DLX5: variants seen among roughly 807,000 people sequenced by gnomAD.
DLX5 encodes the protein distal-less homeobox 5.
Under a neutral mutation model 27.1 loss-of-function variants are expected in DLX5, and 8 were observed. The observed-to-expected ratio is 0.30, with a 90% CI of 0.17 to 0.53. The LOEUF (loss-of-function observed/expected upper bound fraction) is 0.53, where lower values mean the gene tolerates loss of function less well. Among genes scored for constraint, DLX5 ranks in the 20% least tolerant of loss-of-function variants. The pLI, the probability that DLX5 is intolerant of heterozygous loss-of-function variation, is 0.95. For synonymous variants in DLX5, 178 were observed against 161.9 expected (o/e 1.10, Z -0.75); for missense variants, 339 against 375.1 (o/e 0.90, Z 0.80).
Position 97,024,158 on chromosome 7 carries a change from C to T in DLX5, c.355+111G>A. On this transcript the variant is annotated intron_variant, in intron 1 of 2. Coordinates refer to ENST00000648378, the MANE Select transcript of DLX5 (RefSeq NM_005221.6). This position sits in a 1 kb window ranked among gnomAD's most constrained non-coding sequence, Gnocchi z 4.6. ...GTCTGAGTCCTACTCCCTTCTGCCGCGTGCGCCCCCACTGCCGTGAACCGC... is the reference window on the plus strand; with the variant it reads ...GTCTGAGTCCTACTCCCTTCTGCCGTGTGCGCCCCCACTGCCGTGAACCGC... 4 of 984,600 alleles carry T rather than the reference C, an allele frequency of 4.1e-6. No individual in the cohort carries two copies. Among genetic ancestry groups the T allele is most frequent in the Non-Finnish European group, 5.9e-6 (4 of 677,576 alleles). 61.0% of individuals were successfully genotyped at this position (984,600 alleles called of 1,614,324 possible). A position where few individuals can be genotyped will look rare whatever the true frequency, so the allele number is the denominator to read the frequency against.
rs1461577184 is a variant in DLX5 at position 97,020,900 on chromosome 7, G to A, written c.706C>T (p.His236Tyr). The A allele has an allele frequency of 6.2e-7, 1 of 1,614,216 alleles. No individual in the cohort carries two copies. Among genetic ancestry groups the A allele is most frequent in the South Asian group, 1.1e-5 (1 of 91,078 alleles). Residue 236 changes from histidine (H) to tyrosine (Y), a missense_variant, in exon 3 of 3, where the codon CAC becomes TAC. Physicochemically the swap from His to Tyr is moderately conservative, Grantham distance 83. This residue lies in a region of DLX5 where 136 missense variants were observed against 130.3 expected (regional missense o/e 1.04). Transcript: ENST00000648378. ...GAGGTCGGAGGGTGGGCATGAGGGT[G>A]GTGGCTGAGCGAGCGGGACGAGCCC... ...PQGSSRSLSH[H>Y]PHAHPPTSNQ... is the part of the protein sequence containing the mutation.
rs780878673 is a variant in DLX5 at position 97,022,212 on chromosome 7, G to A, written c.513C>T (p.Ala171=). Residue 171 remains alanine, a synonymous_variant, in exon 2 of 3, where the codon GCC becomes GCT. Transcript: ENST00000648378. ...GTGTTTGTGTCAATCCCAGCGAGGC[G>A]GCCAGCTCGGCGCGTTCCGGCAAGG... The part of the protein sequence containing the change: ...YLALPERAEL[A]ASLGLTQTQV... 1.1e-5 allele frequency: 17 copies of A among 1,614,082 alleles called. No individual in the cohort carries two copies. Among genetic ancestry groups the A allele is most frequent in the African/African-American group, 1.3e-5 (1 of 74,940 alleles).
rs1183537489 is a variant in DLX5 at position 97,022,480 on chromosome 7, G to T, written c.356-111C>A. ...TCTTACCACTCAGTCTTCATTCTTT[G>T]CCCATATCACCACCACCTTTGCTTT... On this transcript the variant is annotated intron_variant, in intron 1 of 2. Transcript: ENST00000648378. 1.4e-5 allele frequency: 22 copies of T among 1,531,406 alleles called. No individual in the cohort carries two copies. The East Asian group carries it at 3.2e-4, about 22-fold the overall frequency. The allele number at this position is 1,531,406 out of a possible 1,614,324, so 94.9% of individuals were successfully genotyped here. A position where few individuals can be genotyped will look rare whatever the true frequency, so the allele number is the denominator to read the frequency against.
intron 1 of DLX5, among the ~76,000 whole-genome samples, chr7:97,023,904 A>G (rs534933012): frequency 8.5e-5 from 13 of 152,132 alleles, no homozygotes; most frequent in South Asian, 2.1e-4. Context: ...AAAATTCCCA[A>G]GTAACCTTCT....
At chr7:97,023,585 A>G (rs1488159025) in intron 1 of DLX5, among the ~76,000 whole-genome samples, 1 of 152,124 alleles carries the variant, frequency 6.6e-6, no homozygotes, top group African/African-American at 2.4e-5. Context: ...AAGCGGACGA[A>G]AAAGGAGGAC....
chr7:97,022,672 G>C, intron 1 of DLX5: 1 of 911,142 alleles, frequency 1.1e-6, no homozygotes, highest in Non-Finnish European at 1.3e-6. Context: ...TTCTTCTCCC[G>C]GACTTGTTTT....
intron 2 of DLX5, among the ~76,000 whole-genome samples, chr7:97,021,486 T>C (rs1790057561): frequency 6.6e-6 from 1 of 152,044 alleles, no homozygotes; most frequent in East Asian, 1.9e-4. Flanking sequence ...CGCGCGCCTG[T>C]GGTCAGAAAA....
In DLX5 at chr7:97,024,730, G is replaced by GGGA. The variant is rs1790147244; in HGVS notation, c.-110_-108dup. On this transcript the variant is annotated 5_prime_UTR_variant, in exon 1 of 3. Transcript: ENST00000648378. The surrounding 1 kb of genome is among the most constrained non-coding windows in gnomAD (Gnocchi z 4.6). ...TAAGCAGACATGGCTGTGGGAGCGA[G>GGGA]GGAGGAGGAGGAAGAGGAGGAGGAG... The GGGA allele has an allele frequency of 2.0e-6, 2 of 976,028 alleles. No individual in the cohort carries two copies. Among genetic ancestry groups the GGGA allele is most frequent in the Non-Finnish European group, 3.0e-6 (2 of 662,060 alleles). The allele number at this position is 976,028 out of a possible 1,614,324, so 60.5% of individuals were successfully genotyped here.
rs780878673 is a variant in DLX5, at chr7:97,022,212, G to T, written c.513C>A (p.Ala171=). The change falls in exon 2 of 3, where the codon GCC becomes GCA. Residue 171 remains alanine, a synonymous_variant. Coordinates refer to ENST00000648378, the MANE Select transcript of DLX5 (RefSeq NM_005221.6). ...GTGTTTGTGTCAATCCCAGCGAGGC[G>T]GCCAGCTCGGCGCGTTCCGGCAAGG... ...YLALPERAEL[A]ASLGLTQTQV... is the part of the protein sequence containing the mutation. The T allele has an allele frequency of 3.1e-6, 5 of 1,614,200 alleles. No individual in the cohort carries two copies. The Admixed American group carries it at 8.3e-5, about 27-fold the overall frequency.
rs150866607 is a variant in DLX5, at chr7:97,024,366, G to A, written c.258C>T (p.Ser86=). ...QYHGVNGSAG[S]YPAKAYADYS... is the part of the protein sequence containing the mutation. ...AGTCGGCATAAGCTTTGGCTGGGTA[G>A]CTCCCGGCGGAGCCGTTCACGCCGT... The change falls in exon 1 of 3, where the codon AGC becomes AGT. Residue 86 remains serine, a synonymous_variant. Coordinates refer to ENST00000648378, the MANE Select transcript of DLX5 (RefSeq NM_005221.6). This position sits in a 1 kb window ranked among gnomAD's most constrained non-coding sequence, Gnocchi z 4.6. 4.2e-5 allele frequency: 68 copies of A among 1,614,254 alleles called. No homozygotes were observed. The African/African-American group carries it at 7.1e-4, about 17-fold the overall frequency.
In DLX5 at chr7:97,024,142, C is replaced by G; in HGVS notation, c.355+127G>C. 2.4e-6 allele frequency: 2 copies of G among 837,852 alleles called. No individual in the cohort carries two copies. The highest frequency in any genetic ancestry group is 5.6e-5 in the Admixed American group (2 of 35,402). The allele number at this position is 837,852 out of a possible 1,614,324, so 51.9% of individuals were successfully genotyped here. A position where few individuals can be genotyped will look rare whatever the true frequency, so the allele number is the denominator to read the frequency against. ...CTCTCTTTGTTGGAGGGTCTGAGTC[C>G]TACTCCCTTCTGCCGCGTGCGCCCC... On this transcript the variant is annotated intron_variant, in intron 1 of 2. Transcript: ENST00000648378. This position sits in a 1 kb window ranked among gnomAD's most constrained non-coding sequence, Gnocchi z 4.6.
At chr7:97,021,399 G>A (rs1790053705) in intron 2 of DLX5, among the ~76,000 whole-genome samples, 1 of 152,164 alleles carries the variant, frequency 6.6e-6, no homozygotes, top group South Asian at 2.1e-4. Context: ...GTAAGCCTGC[G>A]CAGGACGCGC....
chr7:97,024,812 T>C lies in DLX5; in HGVS notation c.-189A>G. On this transcript the variant is annotated 5_prime_UTR_variant, in exon 1 of 3. Coordinates refer to ENST00000648378, the MANE Select transcript of DLX5 (RefSeq NM_005221.6). This position sits in a 1 kb window ranked among gnomAD's most constrained non-coding sequence, Gnocchi z 4.6. ...GAGACTGGGAGTCGTGAAGTCTCTG[T>C]CTCCGGCCGGCTGACTGCTGGCTGA... The C allele has an allele frequency of 1.7e-6, 1 of 586,444 alleles. No individual in the cohort carries two copies. 36.3% of individuals were successfully genotyped at this position (586,444 alleles called of 1,614,324 possible).
intron 2 of DLX5, among the ~76,000 whole-genome samples, chr7:97,021,510 C>T (rs1395197897): frequency 6.6e-6 from 1 of 152,158 alleles, no homozygotes; most frequent in South Asian, 2.1e-4. Context: ...AGCGAGCTCC[C>T]AACCTCCCGT....
At chr7:97,022,927 G>C (rs1016616429) in intron 1 of DLX5, among the ~76,000 whole-genome samples, 4 of 150,702 alleles carry the variant, frequency 2.7e-5, no homozygotes, top group Admixed American at 1.3e-4. Context: ...GCCGCAGACA[G>C]AGGGTCGATT....
Position 97,022,167 on chromosome 7 carries a change from T to C in DLX5, c.540+18A>G, listed in dbSNP as rs1224637085. 1.2e-6 allele frequency: 2 copies of C among 1,613,790 alleles called. No individual in the cohort carries two copies. The highest frequency in any genetic ancestry group is 1.7e-6 in the Non-Finnish European group (2 of 1,179,954). On this transcript the variant is annotated intron_variant, in intron 2 of 2. Coordinates refer to ENST00000648378, the MANE Select transcript of DLX5 (RefSeq NM_005221.6). ...GTGCAGCTCAGGCAGGTCTAGTGCA[T>C]GGCAGCGCCGTATTTACCTGTGTTT...
Position 97,020,859 on chromosome 7 carries a change from C to G in DLX5, c.747G>C (p.Ala249=). The G allele has an allele frequency of 2.5e-6, 4 of 1,614,110 alleles. No individual in the cohort carries two copies. Among genetic ancestry groups the G allele is most frequent in the Non-Finnish European group, 3.4e-6 (4 of 1,180,016 alleles). The change falls in exon 3 of 3, where the codon GCG becomes GCC. Residue 249 remains alanine, a synonymous_variant. Transcript: ENST00000648378. ...AHPPTSNQSP[A]SSYLENSASW... is the part of the protein sequence containing the mutation. ...ATGCAGAGTTCTCCAGGTAGCTGGA[C>G]GCTGGGGACTGGTTGGAGGTCGGAG...
At chr7:97,022,409 G>C (rs1358918584) in intron 1 of DLX5, 40 bp from the exon 2 acceptor site, 2 of 1,608,110 alleles carry the variant, frequency 1.2e-6, no homozygotes, top group African/African-American at 2.7e-5. Context: ...CTTGTCACCA[G>C]ACAATGCCCC....
At chr7:97,022,469 C>T in intron 1 of DLX5, 100 bp from the exon 2 acceptor site, 1 of 1,553,844 alleles carries the variant, frequency 6.4e-7, no homozygotes, top group South Asian at 1.2e-5. Flanking sequence ...ACCACTCAGT[C>T]TTCATTCTTT....
Sources: gnomAD v4.1 joint callset for allele counts (sites outside exome capture counted in the v4.1 genomes callset) on GRCh38, gnomAD v4.1.1 for gene constraint, gnomAD v4.1.1 regional missense constraint, Gnocchi (gnomAD v3.1) non-coding constraint, MANE v1.5 for transcripts, NCBI Gene and HGNC (gene_info 2026-07-23, HGNC 2026-07-21) for gene names.